Variants in FREM3 observed in about 807,000 individuals in gnomAD.
FREM3 encodes the protein FRAS1 related extracellular matrix 3.
A neutral mutation model predicts 129.1 loss-of-function variants in FREM3; 105 were observed. The ratio of observed to expected loss-of-function variants is 0.81; its 90% confidence interval spans 0.69 to 0.96. FREM3 has a LOEUF of 0.96. Among genes scored for constraint, FREM3 ranks in the 40% least tolerant of loss-of-function variants. FREM3 has a pLI of 0.00. For missense variants in FREM3, 2,593 were observed against 2,666.3 expected (o/e 0.97, Z 0.61); for synonymous variants, 1,014 against 1,044.9 (o/e 0.97, Z 0.57).
intron 2 of FREM3, among the ~76,000 whole-genome samples, chr4:143,661,754 C>A (rs1041078569): frequency 3.3e-5 from 5 of 152,140 alleles, no homozygotes; most frequent in African/African-American, 1.2e-4. Context: ...TTGATTATTG[C>A]CACAATTTCA....
rs115380086 is a variant in FREM3, at chr4:143,581,326, C to T, written c.6179-3474G>A. 3.4e-3 allele frequency among the ~76,000 whole-genome samples: 518 copies of T among 152,348 alleles called. 5 individuals carry two copies. The highest frequency in any genetic ancestry group is 0.012 in the African/African-American group (508 of 41,594). On this transcript the variant is annotated intron_variant, in intron 7 of 7. Transcript: ENST00000329798. ...CTCTGCCATTGCAGCTGCAGTGGTA[C>T]TGCCCTTACTGCCCTCAGACTGGGG...
chr4:143,613,068 T>C (rs577129655), intron 5 of FREM3, among the ~76,000 whole-genome samples: 1 of 152,350 alleles, frequency 6.6e-6, no homozygotes, highest in South Asian at 2.1e-4. Context: ...AAAATGATAG[T>C]GGGCTCCAAC....
In FREM3 at chr4:143,697,044, A is replaced by T; in HGVS notation, c.3632T>A (p.Ile1211Lys). The change falls in exon 1 of 8, where the codon ATA becomes AAA. Residue 1211 changes from isoleucine to lysine, a missense_variant. Ile to Lys is a moderately radical substitution (Grantham distance 102, BLOSUM62 -3). Coordinates refer to ENST00000329798, the MANE Select transcript of FREM3 (RefSeq NM_001168235.2). ...TGCTCCATTAAGCAGCTGGGTGTCT[A>T]TGACCAGGCTCATCCCCTCTAGTAC... Reference protein sequence around the residue: ...FKVLEGMSLVIDTQLLNGADA... With the variant: ...FKVLEGMSLVKDTQLLNGADA... 1 of 1,537,514 alleles carries T rather than the reference A, an allele frequency of 6.5e-7. No homozygotes were observed. Among genetic ancestry groups the T allele is most frequent in the East Asian group, 2.4e-5 (1 of 40,902 alleles).
intron 2 of FREM3, among the ~76,000 whole-genome samples, chr4:143,669,927 C>T (rs62339316): frequency 0.017 from 2,597 of 152,242 alleles, 34 homozygotes; most frequent in Non-Finnish European, 0.025. Flanking sequence ...CGCCCTGCTC[C>T]CTTCCTCCCT....
At chr4:143,641,263 A>T (rs899883243) in intron 2 of FREM3, among the ~76,000 whole-genome samples, 4 of 152,206 alleles carry the variant, frequency 2.6e-5, no homozygotes, top group African/African-American at 9.6e-5. Flanking sequence ...CAACAATTTG[A>T]TTCATAGATA....
In FREM3 at chr4:143,698,435, G is replaced by C; in HGVS notation, c.2241C>G (p.Leu747=). 6.5e-7 allele frequency: 1 copy of C among 1,537,894 alleles called. No homozygotes were observed. Among genetic ancestry groups the C allele is most frequent in the South Asian group, 1.2e-5 (1 of 84,054 alleles). The change falls in exon 1 of 8, where the codon CTC becomes CTG. Residue 747 remains leucine, a synonymous_variant. Transcript: ENST00000329798. ...DQNLWYTLLT[L]PTDTDGNHQV... ...GGTGGTTGCCATCTGTGTCAGTCGGGAGTGTCAGTAGGGTGTACCATAGGT... is the reference window on the plus strand; with the variant it reads ...GGTGGTTGCCATCTGTGTCAGTCGGCAGTGTCAGTAGGGTGTACCATAGGT...
At chr4:143,601,221 C>T (rs912604653) in intron 6 of FREM3, among the ~76,000 whole-genome samples, 1 of 152,096 alleles carries the variant, frequency 6.6e-6, no homozygotes, top group African/African-American at 2.4e-5. Flanking sequence ...TGGTCCATAA[C>T]CACATTTTCA....
rs900207552 is a variant in FREM3 at position 143,621,232 on chromosome 4, C to T, written c.5654-70G>A. On this transcript the variant is annotated intron_variant, in intron 4 of 7. Transcript: ENST00000329798. ...TCGGTGATATTTAAACACACCTGAGCAGAAATGTACAAAGCCTTTGACTCT... is the reference window on the plus strand; with the variant it reads ...TCGGTGATATTTAAACACACCTGAGTAGAAATGTACAAAGCCTTTGACTCT... 3.1e-4 allele frequency: 422 copies of T among 1,376,628 alleles called. 5 individuals carry two copies. In the Admixed American group the frequency reaches 8.0e-3, roughly 26 times the overall value. 85.3% of individuals were successfully genotyped at this position (1,376,628 alleles called of 1,614,324 possible). A position where few individuals can be genotyped will look rare whatever the true frequency, so the allele number is the denominator to read the frequency against.
In FREM3 at chr4:143,695,702, C is replaced by G; in HGVS notation, c.4974G>C (p.Arg1658Ser). The G allele has an allele frequency of 6.5e-7, 1 of 1,537,222 alleles. No individual in the cohort carries two copies. Among genetic ancestry groups the G allele is most frequent in the Non-Finnish European group, 8.7e-7 (1 of 1,146,926 alleles). Reference protein sequence around the residue: ...MRVQIRSLDNRLPQITTNRGA... With the variant: ...MRVQIRSLDNSLPQITTNRGA... Reference sequence around the variant, plus strand: ...CCCTGTTGGTAGTAATCTGGGGAAGCCTATTGTCTAATGATCTTATCTGGA... The same window carrying G: ...CCCTGTTGGTAGTAATCTGGGGAAGGCTATTGTCTAATGATCTTATCTGGA... Residue 1658 changes from arginine (R) to serine (S), a missense_variant, in exon 1 of 8, where the codon AGG (arginine) becomes AGC (serine). By Grantham distance (110) the Arg-to-Ser change is moderately radical. Around this residue, in one of 2 missense-constraint regions of FREM3, gnomAD observed 2,276 missense variants for 2,267.2 expected, o/e 1.00. Coordinates refer to ENST00000329798, the MANE Select transcript of FREM3 (RefSeq NM_001168235.2).
intron 2 of FREM3, among the ~76,000 whole-genome samples, chr4:143,640,786 G>GT (rs1434456129): frequency 6.6e-6 from 1 of 152,028 alleles, no homozygotes; most frequent in African/African-American, 2.4e-5. Context: ...ATAAAATACT[G>GT]TATGTACAGC....
At chr4:143,683,807 G>A (rs1368384750) in intron 2 of FREM3, among the ~76,000 whole-genome samples, 1 of 152,150 alleles carries the variant, frequency 6.6e-6, no homozygotes, top group African/African-American at 2.4e-5. Flanking sequence ...AAATGGTCTG[G>A]GGCTGTTGTG....
chr4:143,675,980 C>T (rs976479307), intron 2 of FREM3, among the ~76,000 whole-genome samples: 2 of 152,136 alleles, frequency 1.3e-5, no homozygotes, highest in Non-Finnish European at 2.9e-5. Flanking sequence ...GAGCTGGTAC[C>T]ATTCCTTCTG....
chr4:143,581,553 C>T (rs1355219743), intron 7 of FREM3, among the ~76,000 whole-genome samples: 1 of 151,918 alleles, frequency 6.6e-6, no homozygotes, highest in African/African-American at 2.4e-5. Flanking sequence ...CTGGAGCTCC[C>T]AGAGGCAACT....
chr4:143,697,028 A>G lies in FREM3; in HGVS notation c.3648T>C (p.Leu1216=), dbSNP rs916931443. ...GTGGCAGGTCAGCATCTGCTCCATT[A>G]AGCAGCTGGGTGTCTATGACCAGGC... The part of the protein sequence containing the change: ...GMSLVIDTQL[L]NGADADLPPN... Residue 1216 remains leucine, a synonymous_variant, in exon 1 of 8, where the codon CTT becomes CTC. Coordinates refer to ENST00000329798, the MANE Select transcript of FREM3 (RefSeq NM_001168235.2). 1.3e-6 allele frequency: 2 copies of G among 1,537,394 alleles called. No homozygotes were observed. The highest frequency in any genetic ancestry group is 2.7e-5 in the African/African-American group (2 of 73,020).
intron 6 of FREM3, among the ~76,000 whole-genome samples, chr4:143,609,315 C>T (rs892856627): frequency 6.6e-6 from 1 of 152,108 alleles, no homozygotes; most frequent in Non-Finnish European, 1.5e-5. Context: ...GTTCTGACGC[C>T]AATCTTTCTG....
chr4:143,638,805 C>T (rs750011233), intron 2 of FREM3, among the ~76,000 whole-genome samples: 2 of 152,054 alleles, frequency 1.3e-5, no homozygotes, highest in Admixed American at 1.3e-4. Flanking sequence ...TGTGACTCTG[C>T]GTAGTAGACT....
rs150101883 is a variant in FREM3 at position 143,686,793 on chromosome 4, C to T, written c.5275+6320G>A. Among the ~76,000 whole-genome samples the T allele has an allele frequency of 3.1e-3, 472 of 152,134 alleles. 2 individuals carry two copies. Among genetic ancestry groups the T allele is most frequent in the African/African-American group, 0.011 (445 of 41,514 alleles). ...TTCGAACCGAACGACAATAATAACA[C>T]GACCTATCAAAACCTCTGGGATACA... On this transcript the variant is annotated intron_variant, in intron 2 of 7. Coordinates refer to ENST00000329798, the MANE Select transcript of FREM3 (RefSeq NM_001168235.2).
chr4:143,658,439 C>T (rs1739638571), intron 2 of FREM3, among the ~76,000 whole-genome samples: 1 of 152,184 alleles, frequency 6.6e-6, no homozygotes. Flanking sequence ...TCTCAGTCTC[C>T]AGAATGGTGA....
At chr4:143,635,882 A>C (rs1483089794) in intron 2 of FREM3, among the ~76,000 whole-genome samples, 1 of 152,162 alleles carries the variant, frequency 6.6e-6, no homozygotes, top group African/African-American at 2.4e-5. Context: ...TTGATTTACC[A>C]TCACACTTTT....
Sources: allele counts gnomAD v4.1 joint callset (sites outside exome capture counted in the v4.1 genomes callset), GRCh38; gene constraint gnomAD v4.1.1; regional missense constraint gnomAD v4.1.1; transcripts MANE v1.5; gene names NCBI Gene and HGNC (gene_info 2026-07-23, HGNC 2026-07-21).